The following CEP83 variants were observed in gnomAD, a reference collection of about 807,000 sequenced individuals.
CEP83 encodes the protein centrosomal protein 83.
A neutral mutation model predicts 101.9 loss-of-function variants in CEP83; 70 were observed. The ratio of observed to expected loss-of-function variants is 0.69; its 90% confidence interval spans 0.57 to 0.84. CEP83 has a LOEUF of 0.84. Ranked by LOEUF, CEP83 falls within the 40% of genes least tolerant of loss-of-function variation. CEP83 has a pLI of 0.00. For synonymous variants in CEP83, 264 were observed against 267.9 expected, an observed-to-expected ratio of 0.99 and a Z score of 0.14; for missense variants, 715 against 787.2, an observed-to-expected ratio of 0.91 and a Z score of 1.10.
chr12:94,355,521 C>T (rs745693769), intron 11 of CEP83, among the ~76,000 whole-genome samples: 1 of 152,074 alleles, frequency 6.6e-6, no homozygotes, highest in Non-Finnish European at 1.5e-5. Context: ...CAAGAACAAA[C>T]AAAGCCCAAA....
intron 3 of CEP83, 123 bp downstream of exon 3, chr12:94,412,195 A>T: frequency 1.4e-6 from 1 of 718,986 alleles, no homozygotes; most frequent in Non-Finnish European, 2.1e-6. Context: ...TATATTAAAA[A>T]AGTTTTAAAT....
At chr12:94,340,436 ATTT>A (rs143511419) in intron 11 of CEP83, among the ~76,000 whole-genome samples, 3 of 141,354 alleles carry the variant, frequency 2.1e-5, no homozygotes, top group Admixed American at 7.1e-5. Flanking sequence ...TTGTCTCTAG[ATTT>A]TTTTTTTTTT....
rs528200231 is a variant in CEP83, at chr12:94,355,000, C to A, written c.1343+12794G>T. On this transcript the variant is annotated intron_variant, in intron 11 of 16. Coordinates refer to ENST00000397809, the MANE Select transcript of CEP83 (RefSeq NM_016122.3). ...CTGGCTACAGAGTGAGACTCCGTCT[C>A]AAAAACACAAAACAAAAAAAAACAG... Among the ~76,000 whole-genome samples, 1,126 of 140,020 alleles carry A rather than the reference C, an allele frequency of 8.0e-3. 20 individuals are homozygous for A. Among genetic ancestry groups the A allele is most frequent in the African/African-American group, 0.029 (1,095 of 37,910 alleles). The allele number at this position is 140,020 out of a possible 152,430, so 91.9% of individuals were successfully genotyped here. A position where few individuals can be genotyped will look rare whatever the true frequency, so the allele number is the denominator to read the frequency against.
At chr12:94,281,530 C>T in the CEP83 span, among the ~76,000 whole-genome samples, 117 of 152,148 alleles carry the variant, frequency 7.7e-4, no homozygotes, top group East Asian at 2.1e-3. Context: ...CTAGACTGTT[C>T]GATTTTCTTT....
rs77445887 is a variant in CEP83 at position 94,416,537 on chromosome 12, C to T, written c.-101-3946G>A. On this transcript the variant is annotated intron_variant, in intron 2 of 16. Coordinates refer to ENST00000397809, the MANE Select transcript of CEP83 (RefSeq NM_016122.3). ...AATATGTAGACAATTACAATCTACT[C>T]TATCCAAATACCATACACACACACA... Among the ~76,000 whole-genome samples, 888 of 148,190 alleles carry T rather than the reference C, an allele frequency of 6.0e-3. 12 individuals carry two copies. The highest frequency in any genetic ancestry group is 0.021 in the African/African-American group (843 of 39,834).
chr12:94,290,619 C>G, the CEP83 span, among the ~76,000 whole-genome samples: 323 of 152,348 alleles, frequency 2.1e-3, 3 homozygotes, highest in African/African-American at 7.0e-3. Context: ...CTCTTGAGGG[C>G]TGGCTCTTGC....
the CEP83 span, among the ~76,000 whole-genome samples, chr12:94,275,811 C>T: frequency 4.3e-5 from 6 of 138,574 alleles, no homozygotes; most frequent in East Asian, 2.1e-4. Context: ...GCCGAGATCC[C>T]GCCACTGCAC....
intron 1 of CEP83, among the ~76,000 whole-genome samples, chr12:94,458,170 C>G (rs886097904): frequency 6.6e-6 from 1 of 150,682 alleles, no homozygotes; most frequent in Non-Finnish European, 1.5e-5. Flanking sequence ...GCACTCCAGC[C>G]TGAGCGACAA....
chr12:94,421,204 A>AT (rs997064250), intron 2 of CEP83, among the ~76,000 whole-genome samples: 2 of 151,716 alleles, frequency 1.3e-5, no homozygotes, highest in East Asian at 1.9e-4. Flanking sequence ...GGCTTTTTAA[A>AT]TTTTTTTTAT....
intron 1 of CEP83, among the ~76,000 whole-genome samples, chr12:94,450,254 T>A (rs1057342349): frequency 6.6e-6 from 1 of 152,076 alleles, no homozygotes; most frequent in Non-Finnish European, 1.5e-5. Context: ...ATGCAAAAAT[T>A]GGTTGCATTT....
rs188331587 is a variant in CEP83 at position 94,333,284 on chromosome 12, A to T, written c.1577+198T>A. On this transcript the variant is annotated intron_variant, in intron 13 of 16. Coordinates refer to ENST00000397809, the MANE Select transcript of CEP83 (RefSeq NM_016122.3). ...AGAATTTTAATGTCTTAATTTTTTT[A>T]AAAACAATTCAAGAGTCAGTATAGT... 7.9e-4 allele frequency among the ~76,000 whole-genome samples: 121 copies of T among 152,204 alleles called. 1 individual carries two copies. In the East Asian group the frequency reaches 0.022, roughly 28 times the overall value.
At chr12:94,424,743 A>G (rs2138060577) in intron 2 of CEP83, 1 of 1,611,852 alleles carries the variant, frequency 6.2e-7, no homozygotes, top group Admixed American at 1.7e-5. Context: ...TATGGCTGAC[A>G]CAGCTTGACA....
intron 11 of CEP83, among the ~76,000 whole-genome samples, chr12:94,356,504 T>A (rs1051193006): frequency 6.6e-6 from 1 of 152,174 alleles, no homozygotes; most frequent in Non-Finnish European, 1.5e-5. Flanking sequence ...GAGCGATGGC[T>A]CTTAGTTCTA....
chr12:94,385,786 C>T (rs2062110024), intron 6 of CEP83, among the ~76,000 whole-genome samples: 1 of 152,086 alleles, frequency 6.6e-6, no homozygotes, highest in South Asian at 2.1e-4. Context: ...AGTAATGAGC[C>T]ACATAATGAA....
intron 6 of CEP83, among the ~76,000 whole-genome samples, chr12:94,382,174 C>T (rs893955204): frequency 6.6e-6 from 1 of 151,782 alleles, no homozygotes. Context: ...ATCTGATTTC[C>T]CTTCTAATGT....
chr12:94,300,227 A>G, the CEP83 span, among the ~76,000 whole-genome samples: 1 of 152,230 alleles, frequency 6.6e-6, no homozygotes, highest in Non-Finnish European at 1.5e-5. Flanking sequence ...TGATGAGTGC[A>G]GTGGAGAAAG....
intron 1 of CEP83, among the ~76,000 whole-genome samples, chr12:94,442,405 C>T (rs541295783): frequency 4.1e-4 from 62 of 152,168 alleles, no homozygotes; most frequent in Non-Finnish European, 6.2e-4. Context: ...GACTACACAC[C>T]GGGTGCAGTG....
intron 6 of CEP83, among the ~76,000 whole-genome samples, chr12:94,385,935 T>C (rs894731088): frequency 3.9e-5 from 6 of 152,214 alleles, no homozygotes; most frequent in African/African-American, 1.4e-4. Context: ...ATGCCTACAG[T>C]ATTCAGTACA....
the CEP83 span, chr12:94,297,463 G>C: frequency 1.5e-6 from 2 of 1,342,694 alleles, no homozygotes; most frequent in South Asian, 1.2e-5. Flanking sequence ...GGCTACCTAG[G>C]GGGTGTATGA....
Sources: allele counts gnomAD v4.1 joint callset (sites outside exome capture counted in the v4.1 genomes callset), GRCh38; gene constraint gnomAD v4.1.1; transcripts MANE v1.5; gene names NCBI Gene and HGNC (gene_info 2026-07-23, HGNC 2026-07-21).